The following SLC1A5 variants were observed in gnomAD, a reference collection of about 807,000 sequenced individuals.
SLC1A5 encodes the protein solute carrier family 1 member 5.
A neutral mutation model predicts 34.9 loss-of-function variants in SLC1A5; 25 were observed. The observed-to-expected ratio is 0.72, with a 90% CI of 0.52 to 1.00. The LOEUF (loss-of-function observed/expected upper bound fraction) is 1.00, where lower values mean the gene tolerates loss of function less well. SLC1A5 is among the 50% of genes least tolerant of loss of function. SLC1A5 has a pLI of 0.00. For missense variants in SLC1A5, 637 were observed against 740.0 expected (o/e 0.86, Z 1.61); for synonymous variants, 351 against 341.2 (o/e 1.03, Z -0.32).
chr19:46,782,351 A>ACAACCCCCC, intron 4 of SLC1A5, 32 bp downstream of exon 4: 1 of 256,180 alleles, frequency 3.9e-6, no homozygotes, highest in East Asian at 7.3e-5. Flanking sequence ...CTCCAACCCC[A>ACAACCCCCC]CCCACCCCCA....
rs577603304 is a variant in SLC1A5 at position 46,786,154 on chromosome 19, G to T, written c.566+1246C>A. ...CTTGAGCCTGTGTTTAGATGTTGGC[G>T]TGGCTGGTGGCATCACTGAATGGCT... On this transcript the variant is annotated intron_variant, in intron 1 of 7. Transcript: ENST00000542575. Among the ~76,000 whole-genome samples, 150 of 152,178 alleles carry T rather than the reference G, an allele frequency of 9.9e-4. 5 individuals are homozygous for T. The South Asian group carries it at 0.012, about 12-fold the overall frequency.
chr19:46,784,147 G>A lies in SLC1A5; in HGVS notation c.610-3C>T. The A allele has an allele frequency of 6.2e-7, 1 of 1,612,216 alleles. No homozygotes were observed. Among genetic ancestry groups the A allele is most frequent in the South Asian group, 1.1e-5 (1 of 90,978 alleles). The stretch of plus-strand genomic sequence containing the variant: ...CTCTCTTCATAGGTGGTAGAGTACT[G>A]TAGGTGGGGTTGGGAAGAGTCAGTG... On this transcript the variant is annotated splice_region_variant and splice_polypyrimidine_tract_variant and intron_variant, in intron 2 of 7. Transcript: ENST00000542575.
At chr19:46,784,845 G>A in intron 1 of SLC1A5, 3 of 1,400,058 alleles carry the variant, frequency 2.1e-6, no homozygotes, top group South Asian at 3.3e-5. Flanking sequence ...GGCAGGCCAG[G>A]GCAGGTCGCC....
chr19:46,783,466 C>CAAA (rs113636275), intron 3 of SLC1A5, among the ~76,000 whole-genome samples: 15,811 of 99,240 alleles, frequency 0.16, 1,171 homozygotes, highest in Middle Eastern at 0.23. Context: ...AATTCTGTCT[C>CAAA]AAAAAAAAAA....
chr19:46,777,426 G>A (rs201034403), intron 5 of SLC1A5, 21 bp from the exon 6 acceptor site: 6 of 1,590,082 alleles, frequency 3.8e-6, no homozygotes, highest in Admixed American at 1.7e-5. Context: ...TGGGGGAGCT[G>A]AGTTAGGTTA....
intron 4 of SLC1A5, among the ~76,000 whole-genome samples, chr19:46,781,641 T>C (rs2055147094): frequency 6.6e-6 from 1 of 152,100 alleles, no homozygotes; most frequent in Non-Finnish European, 1.5e-5. Flanking sequence ...ATCACTTCCC[T>C]AGACTACTCG....
At chr19:46,781,392 A>G (rs2055144961) in intron 4 of SLC1A5, among the ~76,000 whole-genome samples, 2 of 152,174 alleles carry the variant, frequency 1.3e-5, no homozygotes, top group Admixed American at 1.3e-4. Context: ...TGAGGTCGGG[A>G]GTTTGAGACC....
chr19:46,779,619 TGG>T (rs2055129205), intron 4 of SLC1A5, among the ~76,000 whole-genome samples: 3 of 151,440 alleles, frequency 2.0e-5, no homozygotes, highest in African/African-American at 7.3e-5. Context: ...ATAAAGAGGC[TGG>T]GCACAGTGGC....
intron 3 of SLC1A5, 136 bp downstream of exon 3, chr19:46,783,961 C>T: frequency 1.4e-6 from 1 of 692,912 alleles, no homozygotes; most frequent in Non-Finnish European, 2.6e-6. Flanking sequence ...ATCCAGAAGG[C>T]AGAAAAGACA....
chr19:46,782,517 G>T lies in SLC1A5; in HGVS notation c.690C>A (p.Asn230Lys), dbSNP rs775394315. Reference protein sequence around the residue: ...VPVGQEVEGMNILGLVVFAIV... With the variant: ...VPVGQEVEGMKILGLVVFAIV... ...TGGCAAACACTACCAAGCCCAGGAT[G>T]TTCATCCCCTCCACCTCCTGCCCCA... The change falls in exon 4 of 8, where the codon AAC (asparagine) becomes AAA (lysine). Residue 230 changes from asparagine (N) to lysine (K), a missense_variant. By Grantham distance (94) the Asn-to-Lys change is moderately conservative. Transcript: ENST00000542575. 6.2e-7 allele frequency: 1 copy of T among 1,614,050 alleles called. No homozygotes were observed.
At chr19:46,778,646 T>TCCCCC in intron 5 of SLC1A5, 29 bp downstream of exon 5, 2 of 1,235,840 alleles carry the variant, frequency 1.6e-6, no homozygotes, top group Non-Finnish European at 1.2e-6. Context: ...GGATTAAACA[T>TCCCCC]CCCACCCTAG....
chr19:46,787,597 C>A lies in SLC1A5; in HGVS notation c.369G>T (p.Ala123=), dbSNP rs1355121429. Residue 123 remains alanine, a synonymous_variant, in exon 1 of 8, where the codon GCG becomes GCT. Coordinates refer to ENST00000542575, the MANE Select transcript of SLC1A5 (RefSeq NM_005628.3). This position sits in a 1 kb window ranked among gnomAD's most constrained non-coding sequence, Gnocchi z 5.2. Reference sequence around the variant, plus strand: ...GCGCCCAGGCGCCCAGACGGCCGAGCGCGCCGGGGTCCAGGCTGGCGGCGC... The same window carrying A: ...GCGCCCAGGCGCCCAGACGGCCGAGAGCGCCGGGGTCCAGGCTGGCGGCGC... ...IGGAASLDPG[A]LGRLGAWALL... The A allele has an allele frequency of 3.8e-6, 6 of 1,561,004 alleles. No individual in the cohort carries two copies. In the African/African-American group the frequency reaches 4.1e-5, roughly 11 times the overall value.
chr19:46,781,668 C>T (rs1483002442), intron 4 of SLC1A5, among the ~76,000 whole-genome samples: 6 of 152,168 alleles, frequency 3.9e-5, no homozygotes, highest in Non-Finnish European at 4.4e-5. Flanking sequence ...GGTCGCCCAT[C>T]CATCATCACT....
chr19:46,777,161 G>A, intron 6 of SLC1A5, 50 bp downstream of exon 6: 1 of 1,607,042 alleles, frequency 6.2e-7, no homozygotes, highest in African/African-American at 1.3e-5. Context: ...GGGAGAAGAT[G>A]GGGGTCAACA....
In SLC1A5 at chr19:46,784,145, C is replaced by T; in HGVS notation, c.610-1G>A. On this transcript the variant is annotated splice_acceptor_variant, in intron 2 of 7. Coordinates refer to ENST00000542575, the MANE Select transcript of SLC1A5 (RefSeq NM_005628.3). LOFTEE classifies it high-confidence loss of function. Reference sequence around the variant, plus strand: ...TCCTCTCTTCATAGGTGGTAGAGTACTGTAGGTGGGGTTGGGAAGAGTCAG... The same window carrying T: ...TCCTCTCTTCATAGGTGGTAGAGTATTGTAGGTGGGGTTGGGAAGAGTCAG... 1 of 1,612,826 alleles carries T rather than the reference C, an allele frequency of 6.2e-7. No individual in the cohort carries two copies. Among genetic ancestry groups the T allele is most frequent in the East Asian group, 2.2e-5 (1 of 44,874 alleles).
At chr19:46,782,348 C>CCCCCCCCCCCCCCCCCCCCCCCCCCA in intron 4 of SLC1A5, 35 bp downstream of exon 4, 1 of 551,998 alleles carries the variant, frequency 1.8e-6, no homozygotes. Context: ...ACCCTCCAAC[C>CCCCCCCCCCCCCCCCCCCCCCCCCCA]CCACCCACCC....
At position 46,784,623 on chromosome 19, in the gene SLC1A5, G is replaced by T. The variant is rs202099343; in HGVS notation, c.567-64C>A. 1.0e-3 allele frequency: 1,677 copies of T among 1,613,762 alleles called. 8 individuals are homozygous for T. The Middle Eastern group carries it at 0.019, about 19-fold the overall frequency. On this transcript the variant is annotated intron_variant, in intron 1 of 7. Coordinates refer to ENST00000542575, the MANE Select transcript of SLC1A5 (RefSeq NM_005628.3). ...AGTGGGAGGGCAGCATTGTCTGAGA[G>T]GCTGGGTTGGCGTTTTAAGGCAGCG...
chr19:46,782,504 C>T lies in SLC1A5; in HGVS notation c.703G>A (p.Val235Ile). 6.2e-7 allele frequency: 1 copy of T among 1,614,122 alleles called. No individual in the cohort carries two copies. The highest frequency in any genetic ancestry group is 8.5e-7 in the Non-Finnish European group (1 of 1,180,044). Residue 235 changes from valine (V) to isoleucine (I), a missense_variant, in exon 4 of 8, where the codon GTA (valine) becomes ATA (isoleucine). Transcript: ENST00000542575. The stretch of plus-strand genomic sequence containing the variant: ...ACACCAAAGACGATGGCAAACACTA[C>T]CAAGCCCAGGATGTTCATCCCCTCC... Reference protein sequence around the residue: ...EVEGMNILGLVVFAIVFGVAL... With the variant: ...EVEGMNILGLIVFAIVFGVAL...
chr19:46,777,858 A>G (rs1208398025), intron 5 of SLC1A5, among the ~76,000 whole-genome samples: 3 of 146,058 alleles, frequency 2.1e-5, no homozygotes, highest in East Asian at 4.1e-4. Flanking sequence ...CTCACTTGCT[A>G]TATCTAAGCT....
Sources: gnomAD v4.1 joint callset for allele counts (sites outside exome capture counted in the v4.1 genomes callset) on GRCh38, gnomAD v4.1.1 for gene constraint, Gnocchi (gnomAD v3.1) non-coding constraint, MANE v1.5 for transcripts, NCBI Gene and HGNC (gene_info 2026-07-23, HGNC 2026-07-21) for gene names.